Variants in LRRC8D observed in about 807,000 individuals in gnomAD.
LRRC8D encodes leucine rich repeat containing 8 VRAC subunit D, also known as volume-regulated anion channel subunit LRRC8D.
A neutral mutation model predicts 55.8 loss-of-function variants in LRRC8D; 20 were observed. The ratio of observed to expected loss-of-function variants is 0.36; its 90% CI spans 0.25 to 0.52. LRRC8D has a LOEUF of 0.52. LRRC8D is among the 20% of genes least tolerant of loss of function. The pLI is 0.93. For missense variants in LRRC8D, 651 were observed against 1,030.8 expected (o/e 0.63, Z 5.05); for synonymous variants, 352 against 377.0 (o/e 0.93, Z 0.77).
intron 2 of LRRC8D, among the ~76,000 whole-genome samples, chr1:89,876,491 A>G (rs911926849): frequency 1.3e-5 from 2 of 152,216 alleles, no homozygotes; most frequent in African/African-American, 4.8e-5. Flanking sequence ...AAAGAGTTAT[A>G]TAAGACAGGT....
intron 2 of LRRC8D, among the ~76,000 whole-genome samples, chr1:89,874,242 A>G (rs1450735296): frequency 6.6e-6 from 1 of 152,204 alleles, no homozygotes; most frequent in African/African-American, 2.4e-5. Context: ...TCAAGCTCAT[A>G]ATTGTAGACC....
intron 2 of LRRC8D, among the ~76,000 whole-genome samples, chr1:89,873,481 A>G (rs1662072994): frequency 6.6e-6 from 1 of 152,210 alleles, no homozygotes; most frequent in African/African-American, 2.4e-5. Flanking sequence ...GTTGAAGCTC[A>G]TGACTTCCTT....
rs144931132 is a variant in LRRC8D, at chr1:89,831,396, C to T, written c.-148+10105C>T. On this transcript the variant is annotated intron_variant, in intron 1 of 2. Coordinates refer to ENST00000337338, the MANE Select transcript of LRRC8D (RefSeq NM_001134479.2). ...GGTTGCATTTGAACAGGTTGTCTGGCCTGAGGAGGAATAGGTTTAGGGAGA... is the reference window on the plus strand; with the variant it reads ...GGTTGCATTTGAACAGGTTGTCTGGTCTGAGGAGGAATAGGTTTAGGGAGA... Among the ~76,000 whole-genome samples, 33 of 151,888 alleles carry T rather than the reference C, an allele frequency of 2.2e-4. No individual in the cohort carries two copies. The East Asian group carries it at 6.2e-3, about 28-fold the overall frequency.
intron 2 of LRRC8D, among the ~76,000 whole-genome samples, chr1:89,861,837 T>G (rs2100797598): frequency 6.6e-6 from 1 of 152,342 alleles, no homozygotes; most frequent in South Asian, 2.1e-4. Context: ...CATCTAAGTT[T>G]CTGTTTTTGG....
intron 2 of LRRC8D, among the ~76,000 whole-genome samples, chr1:89,875,537 A>C (rs1461023810): frequency 3.3e-5 from 5 of 152,182 alleles, no homozygotes; most frequent in African/African-American, 1.2e-4. Context: ...TAACAAAATT[A>C]AGCAAGATAA....
chr1:89,829,969 T>C (rs1660848705), intron 1 of LRRC8D, among the ~76,000 whole-genome samples: 2 of 152,228 alleles, frequency 1.3e-5, no homozygotes, highest in Admixed American at 1.3e-4. Flanking sequence ...TGTAAAGATA[T>C]ACCTAATATT....
At chr1:89,891,507 C>G (rs1260943831) in intron 2 of LRRC8D, among the ~76,000 whole-genome samples, 1 of 152,168 alleles carries the variant, frequency 6.6e-6, no homozygotes, top group Non-Finnish European at 1.5e-5. Flanking sequence ...TATCCTGTTT[C>G]TCATACTTTT....
At chr1:89,910,456 T>G (rs2100939292) in intron 2 of LRRC8D, among the ~76,000 whole-genome samples, 1 of 152,342 alleles carries the variant, frequency 6.6e-6, no homozygotes, top group Non-Finnish European at 1.5e-5. Context: ...GTTGTTTCAT[T>G]TTTTAAGACT....
chr1:89,871,867 C>CTGTTTGTT (rs543288814), intron 2 of LRRC8D, among the ~76,000 whole-genome samples: 1 of 152,004 alleles, frequency 6.6e-6, no homozygotes, highest in Non-Finnish European at 1.5e-5. Context: ...GTACTTTTGC[C>CTGTTTGTT]TGTTTGTTTG....
chr1:89,901,506 C>T (rs377415323), intron 2 of LRRC8D, among the ~76,000 whole-genome samples: 3 of 152,292 alleles, frequency 2.0e-5, no homozygotes, highest in East Asian at 3.9e-4. Context: ...TCACCTCTGC[C>T]CCACCCTTTC....
At chr1:89,856,055 ACTAT>A (rs758522022) in intron 2 of LRRC8D, among the ~76,000 whole-genome samples, 17 of 151,614 alleles carry the variant, frequency 1.1e-4, no homozygotes, top group South Asian at 2.1e-4. Context: ...GCCTAATGTG[ACTAT>A]CTAGTGTGTC....
chr1:89,849,837 A>G (rs187886613), intron 2 of LRRC8D, among the ~76,000 whole-genome samples: 1 of 152,120 alleles, frequency 6.6e-6, no homozygotes, highest in Admixed American at 6.5e-5. Context: ...TTTCCTAATA[A>G]CTTTGTCTAT....
intron 2 of LRRC8D, among the ~76,000 whole-genome samples, chr1:89,870,155 A>G (rs1661969071): frequency 6.6e-6 from 1 of 151,670 alleles, no homozygotes; most frequent in African/African-American, 2.4e-5. Context: ...ATCCAGCCAA[A>G]GTAAGCTGCC....
At chr1:89,891,867 C>T (rs950750303) in intron 2 of LRRC8D, among the ~76,000 whole-genome samples, 3 of 152,110 alleles carry the variant, frequency 2.0e-5, no homozygotes, top group African/African-American at 4.8e-5. Context: ...CCCTTTGTTC[C>T]TGTAACTTTC....
At chr1:89,918,779 T>C (rs990388374) in intron 2 of LRRC8D, among the ~76,000 whole-genome samples, 1 of 152,228 alleles carries the variant, frequency 6.6e-6, no homozygotes, top group Admixed American at 6.5e-5. Flanking sequence ...AGTTCTAATA[T>C]GTTGCCCAGC....
At chr1:89,860,785 A>ATATATAT (rs59411711) in intron 2 of LRRC8D, among the ~76,000 whole-genome samples, 7 of 28,192 alleles carry the variant, frequency 2.5e-4, no homozygotes, top group Non-Finnish European at 5.0e-4. Flanking sequence ...AAAAAAAAAA[A>ATATATAT]ATATATATAT....
chr1:89,914,092 A>C (rs1177741482), intron 2 of LRRC8D, among the ~76,000 whole-genome samples: 1 of 152,232 alleles, frequency 6.6e-6, no homozygotes, highest in Non-Finnish European at 1.5e-5. Flanking sequence ...ACCATGGTAA[A>C]AGGTCAGTCC....
intron 2 of LRRC8D, among the ~76,000 whole-genome samples, chr1:89,890,676 C>T (rs1662553434): frequency 6.6e-6 from 1 of 152,162 alleles, no homozygotes; most frequent in Non-Finnish European, 1.5e-5. Context: ...ACTCACCTTC[C>T]CTTATGTTAA....
chr1:89,883,216 G>A (rs542137544), intron 2 of LRRC8D, among the ~76,000 whole-genome samples: 24 of 151,238 alleles, frequency 1.6e-4, no homozygotes, highest in African/African-American at 5.7e-4. Context: ...AAATACGTGT[G>A]TAGGCGTGTG....
Sources: gnomAD v4.1 joint callset for allele counts (sites outside exome capture counted in the v4.1 genomes callset) on GRCh38, gnomAD v4.1.1 for gene constraint, MANE v1.5 for transcripts, NCBI Gene and HGNC (gene_info 2026-07-23, HGNC 2026-07-21) for gene names.